Variants in PLXNA1 observed in about 807,000 individuals in gnomAD.
PLXNA1 encodes the protein plexin-A1.
A neutral mutation model predicts 191.7 loss-of-function variants in PLXNA1; 77 were observed. That is an observed-to-expected ratio of 0.40 (90% confidence interval 0.33 to 0.49). PLXNA1 has a LOEUF of 0.49. Among genes scored for constraint, PLXNA1 ranks in the 20% least tolerant of loss-of-function variants. The probability of loss-of-function intolerance (pLI) is 0.63; values close to 1 mark genes in which losing one functional copy is unlikely to be tolerated. For synonymous variants in PLXNA1, 1,137 were observed against 1,156.4 expected (o/e 0.98, Z 0.34); for missense variants, 2,110 against 2,660.2 (o/e 0.79, Z 4.55).
At chr3:127,009,200 G>A (rs772105994) in intron 9 of PLXNA1, among the ~76,000 whole-genome samples, 35 of 152,136 alleles carry the variant, frequency 2.3e-4, no homozygotes, top group Non-Finnish European at 3.7e-4. Flanking sequence ...GTCGTCAGGG[G>A]TGGTAGCAGG....
chr3:127,017,901 G>C lies in PLXNA1; in HGVS notation c.3660+9G>C, dbSNP rs1390772742. ...GGCAGCACAAGGTCACGGTGCGTCT[G>C]TCCACCGGGGGTGCAGAGCTGGGAG... On this transcript the variant is annotated intron_variant, in intron 19 of 31. Transcript: ENST00000393409. 1 of 1,611,446 alleles carries C rather than the reference G, an allele frequency of 6.2e-7. No individual in the cohort carries two copies. The highest frequency in any genetic ancestry group is 8.5e-7 in the Non-Finnish European group (1 of 1,179,886).
intron 1 of PLXNA1, among the ~76,000 whole-genome samples, 122 bp downstream of exon 1, chr3:126,983,409 G>T (rs1363444890): frequency 6.9e-6 from 1 of 145,876 alleles, no homozygotes; most frequent in African/African-American, 2.5e-5. Flanking sequence ...CGGCCCTCTC[G>T]TGAGGCGGCA....
rs575117474 is a variant in PLXNA1, at chr3:127,017,908, G to A, written c.3660+16G>A. On this transcript the variant is annotated intron_variant, in intron 19 of 31. Transcript: ENST00000393409. Reference sequence around the variant, plus strand: ...CAAGGTCACGGTGCGTCTGTCCACCGGGGGTGCAGAGCTGGGAGAGCCATG... The same window carrying A: ...CAAGGTCACGGTGCGTCTGTCCACCAGGGGTGCAGAGCTGGGAGAGCCATG... 8.7e-6 allele frequency: 14 copies of A among 1,610,646 alleles called. No homozygotes were observed. The highest frequency in any genetic ancestry group is 1.6e-4 in the Middle Eastern group (1 of 6,076).
chr3:127,008,887 G>A (rs567268094), intron 9 of PLXNA1, among the ~76,000 whole-genome samples: 2 of 152,324 alleles, frequency 1.3e-5, no homozygotes, highest in South Asian at 4.1e-4. Context: ...CAGCGGTGGA[G>A]GGTAGCCCGG....
At chr3:127,017,153 T>C in intron 17 of PLXNA1, 116 bp downstream of exon 17, 2 of 1,079,428 alleles carry the variant, frequency 1.9e-6, no homozygotes, top group Non-Finnish European at 2.7e-6. Context: ...TCCCAGCTTA[T>C]GCCAACCTTG....
At position 127,016,610 on chromosome 3, in the gene PLXNA1, C is replaced by T. The variant is rs9858521; in HGVS notation, c.3108C>T (p.Thr1036=). The change falls in exon 16 of 32, where the codon ACC becomes ACT. Residue 1036 remains threonine, a synonymous_variant. Coordinates refer to ENST00000393409, the MANE Select transcript of PLXNA1 (RefSeq NM_032242.4). ...TCAACATCAACCGCGCCCAGCTCAC[C>T]AACCCTGAGGTGAAGTACAACTACA... ...IIININRAQL[T]NPEVKYNYTE... 176,301 of 1,613,876 alleles carry T rather than the reference C, an allele frequency of 0.11. 10,816 individuals are homozygous for T. The highest frequency in any genetic ancestry group is 0.21 in the South Asian group (19,032 of 91,084).
At chr3:127,030,773 A>G (rs1188186003) in intron 29 of PLXNA1, among the ~76,000 whole-genome samples, 2 of 152,194 alleles carry the variant, frequency 1.3e-5, no homozygotes, top group Non-Finnish European at 2.9e-5. Flanking sequence ...GATGAGGGCA[A>G]CAGGGACTGC....
chr3:127,029,675 C>CGTAA (rs1431094734), intron 27 of PLXNA1, 139 bp downstream of exon 27: 2 of 1,101,096 alleles, frequency 1.8e-6, no homozygotes, highest in East Asian at 5.1e-5. Context: ...CACTCTTGGC[C>CGTAA]TTACCCTCCA....
rs1358298417 is a variant in PLXNA1 at position 127,034,921 on chromosome 3, C to A, written c.*904C>A. 6.5e-6 allele frequency: 1 copy of A among 152,832 alleles called. No individual in the cohort carries two copies. Among genetic ancestry groups the A allele is most frequent in the Non-Finnish European group, 1.5e-5 (1 of 68,228 alleles). 9.5% of individuals were successfully genotyped at this position (152,832 alleles called of 1,614,324 possible). ...CCACCCTGGAGCCCCTGAGGGCGGC[C>A]CCTGAGCACTCCTCTCTCTCCACTC... On this transcript the variant is annotated 3_prime_UTR_variant, in exon 32 of 32. Coordinates refer to ENST00000393409, the MANE Select transcript of PLXNA1 (RefSeq NM_032242.4).
At chr3:126,985,600 G>A (rs1467272259) in intron 1 of PLXNA1, among the ~76,000 whole-genome samples, 1 of 152,262 alleles carries the variant, frequency 6.6e-6, no homozygotes, top group Middle Eastern at 3.4e-3. Context: ...CTGCTCCTCG[G>A]TAGAGTGCAG....
intron 23 of PLXNA1, 102 bp downstream of exon 23, chr3:127,022,920 C>G: frequency 3.8e-6 from 4 of 1,051,450 alleles, no homozygotes; most frequent in Non-Finnish European, 5.8e-6. Flanking sequence ...AGAATGACAG[C>G]TGGTGGGGTC....
intron 7 of PLXNA1, among the ~76,000 whole-genome samples, chr3:127,005,611 G>A (rs1168480369): frequency 1.3e-5 from 2 of 152,192 alleles, no homozygotes; most frequent in African/African-American, 4.8e-5. Flanking sequence ...GTCCCATGGT[G>A]ACCCAGAGGG....
Position 127,006,840 on chromosome 3 carries a change from G to A in PLXNA1, c.1997+662G>A, listed in dbSNP as rs767668955. ...CTCAGAGGAAGGATGGGAGGATCTGGGGGCCTCCTGTGAGTCCCACTGTGA... is the reference window on the plus strand; with the variant it reads ...CTCAGAGGAAGGATGGGAGGATCTGAGGGCCTCCTGTGAGTCCCACTGTGA... On this transcript the variant is annotated intron_variant, in intron 8 of 31. Transcript: ENST00000393409. 1.4e-4 allele frequency among the ~76,000 whole-genome samples: 21 copies of A among 152,262 alleles called. 1 individual carries two copies. The highest frequency in any genetic ancestry group is 3.3e-4 in the Admixed American group (5 of 15,300).
intron 7 of PLXNA1, 148 bp from the exon 8 acceptor site, chr3:127,005,931 G>C: frequency 4.3e-6 from 3 of 697,914 alleles, no homozygotes; most frequent in Non-Finnish European, 7.9e-6. Context: ...CTGGTCACCT[G>C]GGGGCTGAGG....
At chr3:126,986,141 C>A (rs769633083) in intron 1 of PLXNA1, among the ~76,000 whole-genome samples, 8 of 152,234 alleles carry the variant, frequency 5.3e-5, no homozygotes, top group African/African-American at 1.9e-4. Flanking sequence ...GAGAGCCCAG[C>A]CCCTGGTAAT....
intron 1 of PLXNA1, among the ~76,000 whole-genome samples, 95 bp from the exon 2 acceptor site, chr3:126,988,426 C>A (rs1267427585): frequency 6.6e-6 from 1 of 152,222 alleles, no homozygotes; most frequent in African/African-American, 2.4e-5. Context: ...GTGCAGTGGG[C>A]ACGCCCAGCA....
At position 127,017,733 on chromosome 3, in the gene PLXNA1, C is replaced by T. The variant is rs2079131561; in HGVS notation, c.3517-16C>T. 2.5e-6 allele frequency: 4 copies of T among 1,613,266 alleles called. No homozygotes were observed. The highest frequency in any genetic ancestry group is 2.2e-5 in the South Asian group (2 of 91,076). On this transcript the variant is annotated splice_polypyrimidine_tract_variant and intron_variant, in intron 18 of 31. Transcript: ENST00000393409. ...GCCCCTCGTCCTGGGCTCTGGCTCACCCCCATCTCCTACAGGGCCGGAACC... is the reference window on the plus strand; with the variant it reads ...GCCCCTCGTCCTGGGCTCTGGCTCATCCCCATCTCCTACAGGGCCGGAACC...
intron 3 of PLXNA1, among the ~76,000 whole-genome samples, chr3:127,002,775 G>A (rs1447749447): frequency 6.6e-6 from 1 of 152,242 alleles, no homozygotes; most frequent in Non-Finnish European, 1.5e-5. Flanking sequence ...CGCCTGGTTT[G>A]TTTGGGATCT....
intron 12 of PLXNA1, 21 bp from the exon 13 acceptor site, chr3:127,014,457 C>T (rs775751509): frequency 1.3e-6 from 2 of 1,597,778 alleles, no homozygotes; most frequent in Non-Finnish European, 8.5e-7. Context: ...ATGCCTGTAC[C>T]CCAGCCTCTG....
Sources: allele counts gnomAD v4.1 joint callset (sites outside exome capture counted in the v4.1 genomes callset), GRCh38; gene constraint gnomAD v4.1.1; transcripts MANE v1.5; gene names NCBI Gene and HGNC (gene_info 2026-07-23, HGNC 2026-07-21).